Variants in FHOD3 observed in about 807,000 individuals in gnomAD.
FHOD3 encodes the protein formin homology 2 domain containing 3.
FHOD3 carries 90 observed loss-of-function variants against 173.0 expected under a neutral mutation model. The ratio of observed to expected loss-of-function variants is 0.52; its 90% CI spans 0.44 to 0.62. The LOEUF (loss-of-function observed/expected upper bound fraction) is 0.62, where lower values mean the gene tolerates loss of function less well. Among genes scored for constraint, FHOD3 ranks in the 20% least tolerant of loss-of-function variants. The probability of loss-of-function intolerance (pLI) is 0.00; values close to 1 mark genes in which losing one functional copy is unlikely to be tolerated. For missense variants in FHOD3, 1,945 were observed against 2,034.7 expected (o/e 0.96, Z 0.85); for synonymous variants, 828 against 823.0 (o/e 1.01, Z -0.10).
At position 36,765,685 on chromosome 18, in the gene FHOD3, A is replaced by G. The variant is rs558636598; in HGVS notation, c.4625-3580A>G. 2.0e-5 allele frequency among the ~76,000 whole-genome samples: 3 copies of G among 152,332 alleles called. No homozygotes were observed. The South Asian group carries it at 6.2e-4, about 32-fold the overall frequency. On this transcript the variant is annotated intron_variant, in intron 27 of 28. Transcript: ENST00000590592. ...ATATTCCAGAACTACAAAACAAAAT[A>G]TCTGAAATAAACTCATTGGATGGGC...
chr18:36,336,008 A>G (rs927236971), intron 1 of FHOD3, among the ~76,000 whole-genome samples: 2 of 152,130 alleles, frequency 1.3e-5, no homozygotes, highest in Non-Finnish European at 2.9e-5. Context: ...AGGACATACA[A>G]CGTGTTCTTA....
chr18:36,638,640 C>T (rs941760940), intron 10 of FHOD3, among the ~76,000 whole-genome samples: 1 of 152,140 alleles, frequency 6.6e-6, no homozygotes, highest in Non-Finnish European at 1.5e-5. Context: ...TCTAAAATAA[C>T]CCATGTTCAG....
At chr18:36,356,667 G>T (rs143164840) in intron 2 of FHOD3, among the ~76,000 whole-genome samples, 1 of 150,858 alleles carries the variant, frequency 6.6e-6, no homozygotes, top group Middle Eastern at 3.2e-3. Context: ...ACGGAATCTC[G>T]CTCTGTCACC....
chr18:36,522,377 C>T (rs186543686), intron 5 of FHOD3, among the ~76,000 whole-genome samples: 4 of 152,168 alleles, frequency 2.6e-5, no homozygotes, highest in Non-Finnish European at 4.4e-5. Context: ...CAGTATAGCA[C>T]AAGGTGATTT....
intron 18 of FHOD3, among the ~76,000 whole-genome samples, chr18:36,716,563 GAGA>G (rs1181634803): frequency 6.6e-6 from 1 of 152,212 alleles, no homozygotes; most frequent in Non-Finnish European, 1.5e-5. Flanking sequence ...TGCAGATGGA[GAGA>G]AGAGGTCCAA....
At chr18:36,669,285 T>G (rs2037382599) in intron 14 of FHOD3, among the ~76,000 whole-genome samples, 1 of 151,982 alleles carries the variant, frequency 6.6e-6, no homozygotes, top group African/African-American at 2.4e-5. Context: ...TTAAAAAAAA[T>G]AGTATTAATA....
intron 27 of FHOD3, 108 bp from the exon 28 acceptor site, chr18:36,769,157 C>G: frequency 7.5e-7 from 1 of 1,332,202 alleles, no homozygotes; most frequent in Non-Finnish European, 1.0e-6. Context: ...CTGGCCTTCC[C>G]TGTGATCTGT....
intron 14 of FHOD3, among the ~76,000 whole-genome samples, chr18:36,659,337 G>C (rs568921751): frequency 3.7e-4 from 56 of 152,266 alleles, no homozygotes; most frequent in African/African-American, 1.3e-3. Flanking sequence ...GGCTAAGTTA[G>C]GTCTTGATAA....
At chr18:36,444,198 A>C (rs1174927475) in intron 3 of FHOD3, among the ~76,000 whole-genome samples, 1 of 151,336 alleles carries the variant, frequency 6.6e-6, no homozygotes, top group African/African-American at 2.4e-5. Flanking sequence ...GTCTCAAAAA[A>C]AAAAAAAAAA....
chr18:36,725,242 T>G (rs2040998441), intron 19 of FHOD3, among the ~76,000 whole-genome samples: 1 of 152,108 alleles, frequency 6.6e-6, no homozygotes, highest in African/African-American at 2.4e-5. Flanking sequence ...ATCGACAAAT[T>G]AAGACAAAAA....
chr18:36,678,861 C>A (rs928637326), intron 14 of FHOD3, among the ~76,000 whole-genome samples: 1 of 152,048 alleles, frequency 6.6e-6, no homozygotes, highest in Non-Finnish European at 1.5e-5. Flanking sequence ...TTCATAATTG[C>A]AAATAGTATA....
At chr18:36,755,695 C>G (rs2042603346) in intron 25 of FHOD3, among the ~76,000 whole-genome samples, 1 of 152,136 alleles carries the variant, frequency 6.6e-6, no homozygotes, top group Non-Finnish European at 1.5e-5. Flanking sequence ...GACAAATGTA[C>G]TGATTGGGGC....
At chr18:36,566,265 T>C (rs1158557095) in intron 5 of FHOD3, among the ~76,000 whole-genome samples, 1 of 152,222 alleles carries the variant, frequency 6.6e-6, no homozygotes, top group Non-Finnish European at 1.5e-5. Context: ...ATCGGATCCT[T>C]GTATGTATCT....
intron 15 of FHOD3, 96 bp from the exon 16 acceptor site, chr18:36,687,032 T>C: frequency 1.1e-6 from 1 of 889,302 alleles, no homozygotes; most frequent in Non-Finnish European, 1.7e-6. Context: ...GTGCCAGTCT[T>C]TCATGATATA....
intron 3 of FHOD3, among the ~76,000 whole-genome samples, chr18:36,425,339 T>A (rs2147146235): frequency 6.6e-6 from 1 of 152,242 alleles, no homozygotes; most frequent in South Asian, 2.1e-4. Context: ...TTCCCATGGA[T>A]AAAGAGGGAC....
intron 3 of FHOD3, 80 bp from the exon 4 acceptor site, chr18:36,501,852 T>G: frequency 1.0e-6 from 1 of 992,148 alleles, no homozygotes; most frequent in Admixed American, 2.5e-5. Flanking sequence ...GATAGTTTTG[T>G]TATCATTCAT....
chr18:36,365,628 A>G (rs549497611), intron 2 of FHOD3, among the ~76,000 whole-genome samples: 1 of 152,226 alleles, frequency 6.6e-6, no homozygotes, highest in African/African-American at 2.4e-5. Context: ...GAAGATACTA[A>G]TAATCAGTGG....
At position 36,427,286 on chromosome 18, in the gene FHOD3, TAAAAAAAAA is replaced by T. The variant is rs35854743; in HGVS notation, c.337+54561_337+54569del. ...AAAACTAGAACTGATCTTGCTTCTC[TAAAAAAAAA>T]AAAAAAAAAAAAAAAAAATCCTTCT... On this transcript the variant is annotated intron_variant, in intron 3 of 28. Transcript: ENST00000590592. 2.5e-4 allele frequency among the ~76,000 whole-genome samples: 20 copies of T among 79,482 alleles called. 1 individual carries two copies. The highest frequency in any genetic ancestry group is 8.2e-4 in the African/African-American group (18 of 21,924). The allele number at this position is 79,482 out of a possible 152,430, so 52.1% of individuals were successfully genotyped here.
chr18:36,504,827 A>C (rs1315186028), intron 4 of FHOD3, among the ~76,000 whole-genome samples: 2 of 152,200 alleles, frequency 1.3e-5, no homozygotes, highest in Non-Finnish European at 2.9e-5. Context: ...AGCATCCCTA[A>C]TTTGAAAATC....
Sources: allele counts gnomAD v4.1 joint callset (sites outside exome capture counted in the v4.1 genomes callset), GRCh38; gene constraint gnomAD v4.1.1; transcripts MANE v1.5; gene names NCBI Gene and HGNC (gene_info 2026-07-23, HGNC 2026-07-21).